WDPCP: variants seen among roughly 807,000 people sequenced by gnomAD.
The protein encoded by WDPCP is WD repeat containing planar cell polarity effector.
A neutral mutation model predicts 93.1 loss-of-function variants in WDPCP; 71 were observed. That is an observed-to-expected ratio of 0.76 (90% CI 0.63 to 0.93). The LOEUF is 0.93. Among genes scored for constraint, WDPCP ranks in the 40% least tolerant of loss-of-function variants. The probability of loss-of-function intolerance (pLI) is 0.00; values close to 1 mark genes in which losing one functional copy is unlikely to be tolerated. For missense variants in WDPCP, 844 were observed against 887.4 expected (o/e 0.95, Z 0.62); for synonymous variants, 315 against 315.0 (o/e 1.00, Z 0.00).
At chr2:63,336,792 C>G (rs796278007) in intron 12 of WDPCP, among the ~76,000 whole-genome samples, 15 of 151,454 alleles carry the variant, frequency 9.9e-5, no homozygotes, top group African/African-American at 3.4e-4. Flanking sequence ...CAGTTCAGTG[C>G]TAATAAATAT....
At chr2:63,313,360 A>T (rs1686329121) in intron 12 of WDPCP, 49 bp from the exon 13 acceptor site, 14 of 1,534,872 alleles carry the variant, frequency 9.1e-6, no homozygotes, top group Non-Finnish European at 1.3e-5. Context: ...AGAATATATA[A>T]AAGAAAAGAG....
chr2:63,426,776 A>T (rs1417825033), intron 9 of WDPCP, among the ~76,000 whole-genome samples: 2 of 152,228 alleles, frequency 1.3e-5, no homozygotes, highest in African/African-American at 4.8e-5. Context: ...TGCAAGTTGA[A>T]TAAAAAGACA....
chr2:63,170,773 T>G (rs1673326236), intron 15 of WDPCP, among the ~76,000 whole-genome samples: 1 of 152,222 alleles, frequency 6.6e-6, no homozygotes, highest in Non-Finnish European at 1.5e-5. Context: ...TGCTTATTTT[T>G]GTGGTATTGG....
At chr2:63,300,722 G>T (rs1486137040) in intron 13 of WDPCP, among the ~76,000 whole-genome samples, 1 of 152,248 alleles carries the variant, frequency 6.6e-6, no homozygotes, top group Non-Finnish European at 1.5e-5. Flanking sequence ...TGGGGATATA[G>T]CTCAAGGGAA....
intron 14 of WDPCP, among the ~76,000 whole-genome samples, chr2:63,251,486 C>CTTTTT (rs869243555): frequency 1.4e-4 from 15 of 107,166 alleles, no homozygotes; most frequent in East Asian, 2.5e-4. Context: ...AAAAGCCTAC[C>CTTTTT]TTTTTTTTTT....
intron 2 of WDPCP, among the ~76,000 whole-genome samples, chr2:63,797,246 C>T (rs983371773): frequency 3.3e-5 from 5 of 152,026 alleles, no homozygotes; most frequent in Admixed American, 3.3e-4. Context: ...TCAGGTGTAA[C>T]CCAGAATATT....
intron 12 of WDPCP, among the ~76,000 whole-genome samples, chr2:63,335,858 T>C (rs1425477442): frequency 6.6e-6 from 1 of 152,222 alleles, no homozygotes; most frequent in Admixed American, 6.5e-5. Flanking sequence ...AAGACCTTGC[T>C]GATAAAACAG....
At chr2:63,707,323 T>C (rs182462290) in intron 2 of WDPCP, among the ~76,000 whole-genome samples, 10 of 152,322 alleles carry the variant, frequency 6.6e-5, no homozygotes, top group African/African-American at 2.4e-4. Context: ...GCTTTGTTCA[T>C]TTCTTTTTAT....
intron 2 of WDPCP, among the ~76,000 whole-genome samples, chr2:63,671,698 C>T (rs944184364): frequency 6.6e-6 from 1 of 152,108 alleles, no homozygotes; most frequent in Non-Finnish European, 1.5e-5. Flanking sequence ...CAGGTGCACG[C>T]CACCACACCC....
chr2:63,386,810 A>G (rs1205313422), intron 10 of WDPCP, among the ~76,000 whole-genome samples: 1 of 152,086 alleles, frequency 6.6e-6, no homozygotes, highest in Non-Finnish European at 1.5e-5. Flanking sequence ...AGGATTAAAA[A>G]ACTGTGGCAC....
chr2:63,315,085 T>TA (rs2103991798), intron 12 of WDPCP, among the ~76,000 whole-genome samples: 1 of 152,170 alleles, frequency 6.6e-6, no homozygotes, highest in Admixed American at 6.5e-5. Flanking sequence ...TTAGTTAAAG[T>TA]AAATCATAGG....
At chr2:63,187,676 TAG>T (rs1293453217) in intron 14 of WDPCP, among the ~76,000 whole-genome samples, 1 of 152,214 alleles carries the variant, frequency 6.6e-6, no homozygotes, top group African/African-American at 2.4e-5. Flanking sequence ...CCAATTAACA[TAG>T]ATTTATAATT....
intron 9 of WDPCP, among the ~76,000 whole-genome samples, chr2:63,429,976 T>TACAC (rs199517613): frequency 0.041 from 5,580 of 137,344 alleles, 147 homozygotes; most frequent in Non-Finnish European, 0.054. Flanking sequence ...GAAAATGTTA[T>TACAC]ACACACACAC....
At chr2:63,456,143 C>T (rs929952640) in intron 6 of WDPCP, among the ~76,000 whole-genome samples, 9 of 152,064 alleles carry the variant, frequency 5.9e-5, no homozygotes, top group African/African-American at 1.7e-4. Flanking sequence ...GGAGGCAAGG[C>T]GAGGTGGCTC....
intron 2 of WDPCP, among the ~76,000 whole-genome samples, chr2:63,769,702 A>C (rs1368320223): frequency 6.6e-6 from 1 of 151,986 alleles, no homozygotes; most frequent in Non-Finnish European, 1.5e-5. Context: ...TCCATGAAAT[A>C]GTTCTTTAAA....
chr2:63,724,606 A>T (rs1040904228), intron 2 of WDPCP, among the ~76,000 whole-genome samples: 3 of 152,252 alleles, frequency 2.0e-5, no homozygotes, highest in Non-Finnish European at 2.9e-5. Flanking sequence ...GGGTATCTGC[A>T]AAGATTTAAA....
At chr2:63,706,600 CTTTTTTTT>C (rs896018299) in intron 2 of WDPCP, among the ~76,000 whole-genome samples, 1 of 61,698 alleles carries the variant, frequency 1.6e-5, no homozygotes, top group Non-Finnish European at 3.4e-5. Context: ...AAATTCTTTT[CTTTTTTTT>C]TTTTTTTTTT....
intron 14 of WDPCP, among the ~76,000 whole-genome samples, chr2:63,228,220 C>T (rs1182290649): frequency 2.0e-5 from 3 of 151,984 alleles, no homozygotes; most frequent in East Asian, 3.9e-4. Flanking sequence ...TAGCAAGTCA[C>T]AATTGCTTAG....
chr2:63,190,870 TATAATC>T lies in WDPCP; in HGVS notation c.1916-16044_1916-16039del, dbSNP rs1215436866. Reference sequence around the variant, plus strand: ...TTATAGCCTGAATGACCTATTACTTTATAATCACCTTTGTGTTCAGTTTATGGAAAG... The same window carrying T: ...TTATAGCCTGAATGACCTATTACTTTACCTTTGTGTTCAGTTTATGGAAAG... On this transcript the variant is annotated intron_variant, in intron 14 of 17. Coordinates refer to ENST00000272321, the MANE Select transcript of WDPCP (RefSeq NM_015910.7). Among the ~76,000 whole-genome samples the T allele has an allele frequency of 2.0e-5, 3 of 152,298 alleles. 1 individual carries two copies. In the East Asian group the frequency reaches 5.8e-4, roughly 29 times the overall value.
Sources: allele counts gnomAD v4.1 joint callset (sites outside exome capture counted in the v4.1 genomes callset), GRCh38; gene constraint gnomAD v4.1.1; transcripts MANE v1.5; gene names NCBI Gene and HGNC (gene_info 2026-07-23, HGNC 2026-07-21).